Variants in MYH14 observed in about 807,000 individuals in gnomAD.
MYH14 encodes myosin-14.
Under a neutral mutation model 255.5 loss-of-function variants are expected in MYH14, and 123 were observed. The ratio of observed to expected loss-of-function variants is 0.48; its 90% CI spans 0.42 to 0.56. The LOEUF (loss-of-function observed/expected upper bound fraction) is 0.56. Ranked by LOEUF, MYH14 falls within the 20% of genes least tolerant of loss-of-function variation. The pLI, the probability that MYH14 is intolerant of heterozygous loss-of-function variation, is 0.00. For missense variants in MYH14, 2,423 were observed against 2,802.3 expected, an observed-to-expected ratio of 0.86 and a Z score of 3.06; for synonymous variants, 1,095 against 1,161.2, an observed-to-expected ratio of 0.94 and a Z score of 1.16.
chr19:50,254,234 GA>G (rs1448971222), intron 16 of MYH14, among the ~76,000 whole-genome samples: 2 of 147,964 alleles, frequency 1.4e-5, no homozygotes, highest in South Asian at 2.1e-4. Context: ...AAAAAAAAAG[GA>G]AAAAAAAAGA....
chr19:50,259,552 C>T (rs541947825), intron 19 of MYH14, among the ~76,000 whole-genome samples: 1 of 152,310 alleles, frequency 6.6e-6, no homozygotes, highest in South Asian at 2.1e-4. Context: ...CGTGAAATCA[C>T]TGCATGGTGT....
Position 50,266,817 on chromosome 19 carries a change from T to A in MYH14, c.2695-60T>A, listed in dbSNP as rs1192187332. 6.5e-7 allele frequency: 1 copy of A among 1,548,758 alleles called. No homozygotes were observed. The highest frequency in any genetic ancestry group is 2.4e-5 in the East Asian group (1 of 40,874). ...TTGAACCCAGAAACTCAAACCCCACTAAGAGTGTGAGGTCTTGGCGCCTGA... is the reference window on the plus strand; with the variant it reads ...TTGAACCCAGAAACTCAAACCCCACAAAGAGTGTGAGGTCTTGGCGCCTGA... On this transcript the variant is annotated intron_variant, in intron 22 of 42. Transcript: ENST00000642316. This position sits in a 1 kb window ranked among gnomAD's most constrained non-coding sequence, Gnocchi z 4.1.
intron 17 of MYH14, among the ~76,000 whole-genome samples, chr19:50,256,027 C>T (rs1373414318): frequency 6.6e-6 from 1 of 151,712 alleles, no homozygotes; most frequent in Non-Finnish European, 1.5e-5. Context: ...CCTATAATCC[C>T]AGCGCTTTGG....
chr19:50,214,206 C>T (rs1340653475), intron 2 of MYH14, among the ~76,000 whole-genome samples: 1 of 152,226 alleles, frequency 6.6e-6, no homozygotes, highest in Non-Finnish European at 1.5e-5. Flanking sequence ...AGCACTATTT[C>T]TGTCCCCGTT....
intron 6 of MYH14, chr19:50,224,721 T>C (rs1215556954): frequency 1.3e-5 from 6 of 444,684 alleles, no homozygotes; most frequent in African/African-American, 1.2e-4. Context: ...AGTAGCCTGG[T>C]GGGGCTAGGA....
intron 3 of MYH14, among the ~76,000 whole-genome samples, chr19:50,220,386 TTTTTA>T (rs2032757017): frequency 7.1e-6 from 1 of 140,376 alleles, no homozygotes; most frequent in Non-Finnish European, 1.6e-5. Flanking sequence ...TTATACTTCA[TTTTTA>T]TTTTATTATA....
At position 50,265,151 on chromosome 19, in the gene MYH14, G is replaced by A. The variant is rs1018413778; in HGVS notation, c.2695-1726G>A. Among the ~76,000 whole-genome samples the A allele has an allele frequency of 2.6e-5, 4 of 152,294 alleles. 1 individual carries two copies. Among genetic ancestry groups the A allele is most frequent in the East Asian group, 3.9e-4 (2 of 5,178 alleles). On this transcript the variant is annotated intron_variant, in intron 22 of 42. Coordinates refer to ENST00000642316, the MANE Select transcript of MYH14 (RefSeq NM_001145809.2). The stretch of plus-strand genomic sequence containing the variant: ...GCCTGTGGGCCAGATGGCTGTTTTT[G>A]CAAAAGCCCTTTCGTTAGCATGGTG...
chr19:50,268,514 G>T lies in MYH14; in HGVS notation c.3033+147G>T, dbSNP rs139502696. 1,195 of 887,874 alleles carry T rather than the reference G, an allele frequency of 1.3e-3. 15 individuals carry two copies. In the South Asian group the frequency reaches 0.016, roughly 12 times the overall value. The allele number at this position is 887,874 out of a possible 1,614,324, so 55.0% of individuals were successfully genotyped here. A position where few individuals can be genotyped will look rare whatever the true frequency, so the allele number is the denominator to read the frequency against. On this transcript the variant is annotated intron_variant, in intron 24 of 42. Transcript: ENST00000642316. ...GAATTTGCAAAAAGAATACATTTTT[G>T]ATTCAGATCGCGGGAGACCTTAAAA... is the stretch of plus-strand genomic sequence containing the variant.
intron 1 of MYH14, among the ~76,000 whole-genome samples, chr19:50,207,491 G>A (rs1402714539): frequency 6.6e-6 from 1 of 152,038 alleles, no homozygotes; most frequent in Non-Finnish European, 1.5e-5. Context: ...GAGATAGCTG[G>A]AGCTGGATCC....
intron 10 of MYH14, among the ~76,000 whole-genome samples, chr19:50,238,454 A>AT (rs1377890827): frequency 4.0e-5 from 6 of 151,450 alleles, no homozygotes; most frequent in Non-Finnish European, 8.8e-5. Flanking sequence ...TTTATTTTTT[A>AT]TTTTTTTTGA....
In MYH14 at chr19:50,308,940, G is replaced by T. The variant is rs538346450; in HGVS notation, c.5788-65G>T. On this transcript the variant is annotated intron_variant, in intron 41 of 42. Transcript: ENST00000642316. Reference sequence around the variant, plus strand: ...AGTAGGGATGGGGCAGTAGTGGGCTGTTGGAGAGGGAGGGAGTGATGACAG... The same window carrying T: ...AGTAGGGATGGGGCAGTAGTGGGCTTTTGGAGAGGGAGGGAGTGATGACAG... 1.8e-5 allele frequency: 26 copies of T among 1,473,292 alleles called. No homozygotes were observed. The African/African-American group carries it at 3.2e-4, about 18-fold the overall frequency. 91.3% of individuals were successfully genotyped at this position (1,473,292 alleles called of 1,614,324 possible). A position where few individuals can be genotyped will look rare whatever the true frequency, so the allele number is the denominator to read the frequency against.
intron 32 of MYH14, 93 bp from the exon 33 acceptor site, chr19:50,281,501 C>T (rs1191130443): frequency 2.7e-6 from 4 of 1,501,690 alleles, no homozygotes; most frequent in East Asian, 2.3e-5. Flanking sequence ...CTTCAGGCCT[C>T]AGTCTCTTCA....
chr19:50,250,277 T>G lies in MYH14; in HGVS notation c.1657-238T>G, dbSNP rs2034318148. Among the ~76,000 whole-genome samples the G allele has an allele frequency of 6.6e-6, 1 of 152,158 alleles. No individual in the cohort carries two copies. Among genetic ancestry groups the G allele is most frequent in the South Asian group, 2.1e-4 (1 of 4,826 alleles). On this transcript the variant is annotated intron_variant, in intron 14 of 42. Transcript: ENST00000642316. This position sits in a 1 kb window ranked among gnomAD's most constrained non-coding sequence, Gnocchi z 5.4. ...CACCACGCCCGGCTAATTTTTTGTA[T>G]TTTTAGTAGAGTCGGGGGTTTCACT...
chr19:50,296,924 A>G (rs2036286830), intron 39 of MYH14, among the ~76,000 whole-genome samples: 1 of 152,236 alleles, frequency 6.6e-6, no homozygotes, highest in South Asian at 2.1e-4. Flanking sequence ...TAGGGCCACC[A>G]TAATGAATTA....
In MYH14 at chr19:50,299,964, A is replaced by AAAC. The variant is rs748799312; in HGVS notation, c.5470-1682_5470-1680dup. Among the ~76,000 whole-genome samples the AAAC allele has an allele frequency of 5.9e-5, 9 of 151,914 alleles. No individual in the cohort carries two copies. In the East Asian group the frequency reaches 1.2e-3, roughly 20 times the overall value. On this transcript the variant is annotated intron_variant, in intron 39 of 42. Coordinates refer to ENST00000642316, the MANE Select transcript of MYH14 (RefSeq NM_001145809.2). Reference sequence around the variant, plus strand: ...TGTCTCAAAACAAACAAAAACAAACAAACAACAACAACAACAAACCCACAT... The same window carrying AAAC: ...TGTCTCAAAACAAACAAAAACAAACAAACAACAACAACAACAACAAACCCACAT...
rs374065479 is a variant in MYH14, at chr19:50,280,063, G to A, written c.4059G>A (p.Ala1353=). 1.6e-5 allele frequency: 26 copies of A among 1,609,776 alleles called. No homozygotes were observed. The highest frequency in any genetic ancestry group is 9.3e-5 in the African/African-American group (7 of 74,872). Residue 1353 remains alanine, a synonymous_variant, in exon 31 of 43, where the codon GCG becomes GCA. Coordinates refer to ENST00000642316, the MANE Select transcript of MYH14 (RefSeq NM_001145809.2). The surrounding 1 kb of genome is among the most constrained non-coding windows in gnomAD (Gnocchi z 4.8). ...CTGAACTGGAGAATGTGTCTGGGGCGCTGAACGAGGCTGAGTCCAAAACCA... is the reference window on the plus strand; with the variant it reads ...CTGAACTGGAGAATGTGTCTGGGGCACTGAACGAGGCTGAGTCCAAAACCA... ...AQAELENVSG[A]LNEAESKTIR...
intron 34 of MYH14, among the ~76,000 whole-genome samples, chr19:50,288,327 G>A (rs751714639): frequency 2.0e-5 from 3 of 152,282 alleles, no homozygotes; most frequent in South Asian, 2.1e-4. Flanking sequence ...ACGTTGATCC[G>A]ATTTTGCTTT....
chr19:50,277,908 G>A (rs1471838891), intron 29 of MYH14, among the ~76,000 whole-genome samples, 175 bp from the exon 30 acceptor site: 1 of 149,406 alleles, frequency 6.7e-6, no homozygotes, highest in African/African-American at 2.5e-5. Context: ...CAAGACTGAA[G>A]CACTGTCTCA....
intron 42 of MYH14, 163 bp from the exon 43 acceptor site, chr19:50,309,477 T>C (rs2036772571): frequency 3.2e-6 from 2 of 615,626 alleles, no homozygotes; most frequent in East Asian, 2.8e-5. Context: ...CTTCTGCCCG[T>C]CTCCCTCCAT....
Sources: gnomAD v4.1 joint callset for allele counts (sites outside exome capture counted in the v4.1 genomes callset) on GRCh38, gnomAD v4.1.1 for gene constraint, Gnocchi (gnomAD v3.1) non-coding constraint, MANE v1.5 for transcripts, NCBI Gene and HGNC (gene_info 2026-07-23, HGNC 2026-07-21) for gene names.